ELP4: variants seen among roughly 807,000 people sequenced by gnomAD.
The protein encoded by ELP4 is elongator complex protein 4.
Under a neutral mutation model 48.9 loss-of-function variants are expected in ELP4, and 51 were observed. The ratio of observed to expected loss-of-function variants is 1.04; its 90% CI spans 0.83 to 1.32. The LOEUF (loss-of-function observed/expected upper bound fraction) is 1.32. Ranked by LOEUF, ELP4 falls within the 40% of genes most tolerant of loss-of-function variation. The probability of loss-of-function intolerance (pLI) is 0.00; values close to 1 mark genes in which losing one functional copy is unlikely to be tolerated. For missense variants in ELP4, 519 were observed against 514.6 expected, an observed-to-expected ratio of 1.01 and a Z score of -0.08; for synonymous variants, 210 against 189.2, an observed-to-expected ratio of 1.11 and a Z score of -0.90.
At chr11:31,695,052 T>C (rs1481141483) in intron 9 of ELP4, among the ~76,000 whole-genome samples, 1 of 152,182 alleles carries the variant, frequency 6.6e-6, no homozygotes, top group African/African-American at 2.4e-5. Flanking sequence ...TAAGGAGATT[T>C]TGGGCCAAGA....
intron 9 of ELP4, among the ~76,000 whole-genome samples, chr11:31,668,721 T>TGTGTGTGA (rs1565103640): frequency 1.1e-5 from 1 of 92,596 alleles, no homozygotes. Context: ...TGTGTGTGTG[T>TGTGTGTGA]AAGAACCCTG....
At chr11:31,747,788 G>A (rs895062339) in intron 9 of ELP4, among the ~76,000 whole-genome samples, 2 of 152,228 alleles carry the variant, frequency 1.3e-5, no homozygotes, top group African/African-American at 4.8e-5. Flanking sequence ...GCTTCTCTTT[G>A]TAGTGTGCTC....
chr11:31,637,656 A>G (rs1260187814), intron 7 of ELP4, among the ~76,000 whole-genome samples: 1 of 151,988 alleles, frequency 6.6e-6, no homozygotes, highest in Non-Finnish European at 1.5e-5. Flanking sequence ...CAGTTACAAT[A>G]GGATACTGTT....
intron 3 of ELP4, among the ~76,000 whole-genome samples, chr11:31,576,963 G>T (rs1287149901): frequency 2.0e-5 from 3 of 152,048 alleles, no homozygotes; most frequent in Admixed American, 6.5e-5. Flanking sequence ...GAAGGAGATG[G>T]AGACACAAAA....
At chr11:31,736,439 C>G (rs1472577792) in intron 9 of ELP4, among the ~76,000 whole-genome samples, 4 of 152,074 alleles carry the variant, frequency 2.6e-5, no homozygotes. Flanking sequence ...GTCTAAAACA[C>G]CAAAAGCAAT....
intron 9 of ELP4, among the ~76,000 whole-genome samples, chr11:31,678,860 T>G (rs1254437994): frequency 6.6e-6 from 1 of 152,200 alleles, no homozygotes; most frequent in African/African-American, 2.4e-5. Context: ...CTACACCATT[T>G]TAAATTCCCA....
intron 9 of ELP4, among the ~76,000 whole-genome samples, chr11:31,677,206 GT>G (rs1186511738): frequency 6.6e-6 from 1 of 152,192 alleles, no homozygotes; most frequent in Non-Finnish European, 1.5e-5. Context: ...CCATGAGTGT[GT>G]CCCATGGTCA....
chr11:31,565,800 G>C (rs1957101335), intron 3 of ELP4, among the ~76,000 whole-genome samples: 1 of 152,122 alleles, frequency 6.6e-6, no homozygotes, highest in Non-Finnish European at 1.5e-5. Context: ...TTTGAAGTCA[G>C]GTAGCATGAT....
chr11:31,718,408 G>A (rs1026308376), intron 9 of ELP4, among the ~76,000 whole-genome samples: 2 of 152,202 alleles, frequency 1.3e-5, no homozygotes, highest in African/African-American at 4.8e-5. Flanking sequence ...TTATTGCTGT[G>A]TATTAAACTA....
chr11:31,712,812 G>A (rs1194489166), intron 9 of ELP4, among the ~76,000 whole-genome samples: 1 of 152,094 alleles, frequency 6.6e-6, no homozygotes, highest in Non-Finnish European at 1.5e-5. Context: ...TGATTAAGAT[G>A]TAAATTCTTT....
intron 4 of ELP4, chr11:31,598,919 A>G (rs1001345895): frequency 6.6e-6 from 1 of 152,198 alleles, no homozygotes; most frequent in African/African-American, 2.4e-5. Flanking sequence ...GGTCTCTACT[A>G]AAAGATTACT....
chr11:31,575,856 C>T (rs1957266525), intron 3 of ELP4, among the ~76,000 whole-genome samples: 1 of 152,066 alleles, frequency 6.6e-6, no homozygotes, highest in Non-Finnish European at 1.5e-5. Flanking sequence ...GTAAAGACCA[C>T]CAATGCTAGG....
chr11:31,583,720 G>C (rs527905278), intron 3 of ELP4, among the ~76,000 whole-genome samples: 1 of 152,298 alleles, frequency 6.6e-6, no homozygotes, highest in East Asian at 1.9e-4. Flanking sequence ...ATTGACAGTT[G>C]TAAAACTTCA....
intron 9 of ELP4, among the ~76,000 whole-genome samples, chr11:31,694,101 A>G (rs1170104761): frequency 2.0e-5 from 3 of 152,072 alleles, no homozygotes; most frequent in Non-Finnish European, 4.4e-5. Flanking sequence ...ATTTTCTCCC[A>G]TTCTGTAGGT....
chr11:31,621,351 C>T (rs1320273108), intron 5 of ELP4, among the ~76,000 whole-genome samples: 1 of 151,854 alleles, frequency 6.6e-6, no homozygotes, highest in African/African-American at 2.4e-5. Flanking sequence ...TAAATCAATA[C>T]TTAAATATAT....
chr11:31,551,240 C>G (rs1288957722), intron 3 of ELP4, among the ~76,000 whole-genome samples: 1 of 152,118 alleles, frequency 6.6e-6, no homozygotes, highest in Admixed American at 6.6e-5. Flanking sequence ...AGGGCATGAA[C>G]AAGATGAGGT....
intron 9 of ELP4, among the ~76,000 whole-genome samples, chr11:31,723,995 G>A (rs1565127548): frequency 6.6e-6 from 1 of 152,132 alleles, no homozygotes; most frequent in Non-Finnish European, 1.5e-5. Context: ...TAAATGTAAA[G>A]CAAAGGGGAT....
chr11:31,632,289 T>C lies in ELP4; in HGVS notation c.811T>C (p.Cys271Arg), dbSNP rs1944877408. The C allele has an allele frequency of 6.2e-7, 1 of 1,613,226 alleles. No homozygotes were observed. Among genetic ancestry groups the C allele is most frequent in the Non-Finnish European group, 8.5e-7 (1 of 1,179,570 alleles). ...GSPLWGDDIC[C>R]AENGGNSHSL... ...ACCTTTATGGGGAGACGATATTTGC[T>C]GTGCAGAAAATGGTGGCAACAGTCA... The change falls in exon 7 of 10, where the codon TGT becomes CGT. Residue 271 changes from cysteine (C) to arginine (R), a missense_variant. By Grantham distance (180) the Cys-to-Arg change is radical (BLOSUM62 -3). Transcript: ENST00000640961.
chr11:31,549,594 C>G (rs1198548766), intron 3 of ELP4, among the ~76,000 whole-genome samples: 2 of 151,822 alleles, frequency 1.3e-5, no homozygotes, highest in African/African-American at 4.8e-5. Flanking sequence ...CCTCAGGGAT[C>G]TAGAACTAGA....
Sources: allele counts gnomAD v4.1 joint callset (sites outside exome capture counted in the v4.1 genomes callset), GRCh38; gene constraint gnomAD v4.1.1; transcripts MANE v1.5; gene names NCBI Gene and HGNC (gene_info 2026-07-23, HGNC 2026-07-21).